Variants in ZCWPW2 observed in about 807,000 individuals in gnomAD.
The protein encoded by ZCWPW2 is zinc finger CW-type and PWWP domain containing 2, also known as zinc finger CW-type PWWP domain protein 2.
Under a neutral mutation model 46.6 loss-of-function variants are expected in ZCWPW2, and 45 were observed. That is an observed-to-expected ratio of 0.96 (90% CI 0.76 to 1.24). The LOEUF (loss-of-function observed/expected upper bound fraction) is 1.24, where lower values mean the gene tolerates loss of function less well. Ranked by LOEUF, ZCWPW2 falls within the 50% of genes most tolerant of loss-of-function variation. The probability of loss-of-function intolerance (pLI) is 0.00; values close to 1 mark genes in which losing one functional copy is unlikely to be tolerated. For missense variants in ZCWPW2, 429 were observed against 403.9 expected, an observed-to-expected ratio of 1.06 and a Z score of -0.53; for synonymous variants, 152 against 137.1, an observed-to-expected ratio of 1.11 and a Z score of -0.76.
intron 4 of ZCWPW2, among the ~76,000 whole-genome samples, chr3:28,438,191 C>G (rs766120952): frequency 4.6e-5 from 7 of 152,110 alleles, no homozygotes; most frequent in Non-Finnish European, 8.8e-5. Context: ...CTTATGATCA[C>G]AAAGGTACAG....
intron 8 of ZCWPW2, among the ~76,000 whole-genome samples, chr3:28,519,968 A>T (rs2125838321): frequency 6.6e-6 from 1 of 150,376 alleles, no homozygotes; most frequent in South Asian, 2.1e-4. Flanking sequence ...GTTTTATCTC[A>T]GCAAGGTCAA....
intron 5 of ZCWPW2, among the ~76,000 whole-genome samples, chr3:28,491,455 A>C (rs1215041292): frequency 6.6e-6 from 1 of 152,138 alleles, no homozygotes; most frequent in Non-Finnish European, 1.5e-5. Context: ...GAGTGGTATA[A>C]TGAGAAAATG....
In ZCWPW2 at chr3:28,524,806, G is replaced by A; in HGVS notation, c.*118G>A. ...ATAAATTATACCAAAGTTTATATTTGCGGTAACTTTCTACTTCATATTTTG... is the reference window on the plus strand; with the variant it reads ...ATAAATTATACCAAAGTTTATATTTACGGTAACTTTCTACTTCATATTTTG... On this transcript the variant is annotated 3_prime_UTR_variant, in exon 10 of 10. Coordinates refer to ENST00000383768, the MANE Select transcript of ZCWPW2 (RefSeq NM_001040432.4). The A allele has an allele frequency of 8.0e-6, 7 of 880,118 alleles. No homozygotes were observed. The highest frequency in any genetic ancestry group is 1.1e-5 in the Non-Finnish European group (7 of 656,126). The allele number at this position is 880,118 out of a possible 1,614,324, so 54.5% of individuals were successfully genotyped here. A position where few individuals can be genotyped will look rare whatever the true frequency, so the allele number is the denominator to read the frequency against.
chr3:28,522,568 T>A lies in ZCWPW2; in HGVS notation c.909+1452T>A, dbSNP rs139743446. Among the ~76,000 whole-genome samples, 553 of 152,316 alleles carry A rather than the reference T, an allele frequency of 3.6e-3. 1 individual carries two copies. Among genetic ancestry groups the A allele is most frequent in the African/African-American group, 0.013 (529 of 41,580 alleles). ...AATAAAAATAGATTATTCGTAAACATGTCCTTTATTGAGTTAGAAATTAAT... is the reference window on the plus strand; with the variant it reads ...AATAAAAATAGATTATTCGTAAACAAGTCCTTTATTGAGTTAGAAATTAAT... On this transcript the variant is annotated intron_variant, in intron 9 of 9. Transcript: ENST00000383768.
intron 3 of ZCWPW2, among the ~76,000 whole-genome samples, chr3:28,434,203 T>C (rs557771833): frequency 6.6e-6 from 1 of 152,264 alleles, no homozygotes; most frequent in Admixed American, 6.5e-5. Flanking sequence ...ATGAATAACT[T>C]CTTAGGTGTG....
At chr3:28,412,706 A>G (rs192541521) in intron 2 of ZCWPW2, among the ~76,000 whole-genome samples, 1 of 152,212 alleles carries the variant, frequency 6.6e-6, no homozygotes, top group Admixed American at 6.5e-5. Flanking sequence ...GTCAGCATTC[A>G]GTAAGGCTTA....
intron 6 of ZCWPW2, among the ~76,000 whole-genome samples, chr3:28,503,956 A>G (rs1323460330): frequency 2.6e-5 from 4 of 151,900 alleles, no homozygotes; most frequent in South Asian, 2.1e-4. Context: ...TGCACTTTGG[A>G]AGGCTGAGGC....
intron 2 of ZCWPW2, among the ~76,000 whole-genome samples, chr3:28,401,191 A>T (rs970749126): frequency 6.6e-6 from 1 of 152,116 alleles, no homozygotes; most frequent in Non-Finnish European, 1.5e-5. Flanking sequence ...AAAAAAACAA[A>T]CAAAAAAGAC....
At chr3:28,457,217 G>T (rs1215721890) in intron 4 of ZCWPW2, among the ~76,000 whole-genome samples, 2 of 152,068 alleles carry the variant, frequency 1.3e-5, no homozygotes, top group Admixed American at 6.6e-5. Context: ...TTTACCATTT[G>T]TTTAGCTCAC....
chr3:28,432,178 C>G (rs992183430), intron 3 of ZCWPW2, among the ~76,000 whole-genome samples: 3 of 152,146 alleles, frequency 2.0e-5, no homozygotes, highest in Admixed American at 6.6e-5. Context: ...TGCGTCTTGT[C>G]TGGTTTATGG....
At chr3:28,510,800 A>G (rs1317178579) in intron 6 of ZCWPW2, among the ~76,000 whole-genome samples, 1 of 152,136 alleles carries the variant, frequency 6.6e-6, no homozygotes, top group Non-Finnish European at 1.5e-5. Flanking sequence ...AGAAGCCACC[A>G]GTTTCTGTAA....
chr3:28,486,935 AT>A (rs1405721542), intron 5 of ZCWPW2, among the ~76,000 whole-genome samples: 2 of 151,324 alleles, frequency 1.3e-5, no homozygotes, highest in Non-Finnish European at 2.9e-5. Context: ...TCAACACTTT[AT>A]TTTGTTCAAC....
At chr3:28,367,034 T>C (rs560493354) in intron 1 of ZCWPW2, among the ~76,000 whole-genome samples, 2 of 152,304 alleles carry the variant, frequency 1.3e-5, no homozygotes, top group South Asian at 2.1e-4. Context: ...TTCTTCTCTC[T>C]TTTCTTCTTT....
intron 7 of ZCWPW2, 51 bp downstream of exon 7, chr3:28,514,173 G>T: frequency 7.9e-7 from 1 of 1,263,118 alleles, no homozygotes; most frequent in Non-Finnish European, 1.1e-6. Context: ...AATATATATT[G>T]GATTTAGTTT....
intron 1 of ZCWPW2, among the ~76,000 whole-genome samples, chr3:28,375,690 A>C (rs62251143): frequency 6.6e-6 from 1 of 151,474 alleles, no homozygotes; most frequent in Non-Finnish European, 1.5e-5. Context: ...ATTATTGACT[A>C]TAGTCATCCT....
rs1207375412 is a variant in ZCWPW2, at chr3:28,435,264, T to A, written c.487T>A (p.Leu163Ile). 3 of 1,603,482 alleles carry A rather than the reference T, an allele frequency of 1.9e-6. No individual in the cohort carries two copies. Among genetic ancestry groups the A allele is most frequent in the Non-Finnish European group, 2.5e-6 (3 of 1,177,500 alleles). Residue 163 changes from leucine (L) to isoleucine (I), a missense_variant, in exon 4 of 10, where the codon TTA (leucine) becomes ATA (isoleucine). Leu to Ile is a conservative substitution (Grantham distance 5). Transcript: ENST00000383768. ...ATTCGTTGGACATTATAGTATCACA[T>A]TAAAGGTAGGTATCATAACATCAAA... ...ATFVGHYSIT[L>I]KPEKCKNKKK...
chr3:28,488,713 A>T (rs1248515159), intron 5 of ZCWPW2, among the ~76,000 whole-genome samples: 4 of 152,198 alleles, frequency 2.6e-5, no homozygotes, highest in South Asian at 4.1e-4. Flanking sequence ...CTTTAAAAAT[A>T]TGACTTGGAT....
intron 4 of ZCWPW2, among the ~76,000 whole-genome samples, chr3:28,453,466 G>A (rs992373924): frequency 2.6e-5 from 4 of 151,942 alleles, no homozygotes; most frequent in African/African-American, 9.7e-5. Flanking sequence ...GTATCAATTA[G>A]GTTTATCATA....
At chr3:28,431,095 C>A (rs1389851221) in intron 3 of ZCWPW2, among the ~76,000 whole-genome samples, 1 of 152,054 alleles carries the variant, frequency 6.6e-6, no homozygotes, top group East Asian at 1.9e-4. Flanking sequence ...CAAATTCAAG[C>A]AATTTATGGA....
Sources: allele counts gnomAD v4.1 joint callset (sites outside exome capture counted in the v4.1 genomes callset), GRCh38; gene constraint gnomAD v4.1.1; transcripts MANE v1.5; gene names NCBI Gene and HGNC (gene_info 2026-07-23, HGNC 2026-07-21).